The following PCSK5 variants were observed in gnomAD, a reference collection of about 807,000 sequenced individuals.
PCSK5 encodes prohormone convertase 5.
A neutral mutation model predicts 233.2 loss-of-function variants in PCSK5; 129 were observed. That is an observed-to-expected ratio of 0.55 (90% CI 0.48 to 0.64). PCSK5 has a LOEUF of 0.64. Ranked by LOEUF, PCSK5 falls within the 30% of genes least tolerant of loss-of-function variation. The probability of loss-of-function intolerance (pLI) is 0.00; values close to 1 mark genes in which losing one functional copy is unlikely to be tolerated. For missense variants in PCSK5, 2,076 were observed against 2,430.1 expected (o/e 0.85, Z 3.06); for synonymous variants, 825 against 879.2 (o/e 0.94, Z 1.09).
Position 76,351,517 on chromosome 9 carries a change from A to AAGG in PCSK5, c.5067+590_5067+591insGGA, listed in dbSNP as rs1564196885. 2.6e-4 allele frequency among the ~76,000 whole-genome samples: 32 copies of AAGG among 122,206 alleles called. 1 individual carries two copies. Among genetic ancestry groups the AAGG allele is most frequent in the East Asian group, 7.7e-4 (3 of 3,900 alleles). 80.2% of individuals were successfully genotyped at this position (122,206 alleles called of 152,430 possible). A position where few individuals can be genotyped will look rare whatever the true frequency, so the allele number is the denominator to read the frequency against. On this transcript the variant is annotated intron_variant, in intron 36 of 37. Coordinates refer to ENST00000674117, the MANE Select transcript of PCSK5 (RefSeq NM_001372043.1). ...GAAAGAAAGAAAGAAAGAAAGAAAG[A>AAGG]AAGAAAGAAAGAAAGGAAGGAAAGA...
intron 9 of PCSK5, among the ~76,000 whole-genome samples, chr9:76,118,810 A>G (rs1832527823): frequency 6.6e-6 from 1 of 152,058 alleles, no homozygotes; most frequent in Non-Finnish European, 1.5e-5. Flanking sequence ...AACTTTAAGC[A>G]TGTTTTAAGC....
At chr9:76,050,071 T>C (rs1350706364) in intron 5 of PCSK5, among the ~76,000 whole-genome samples, 2 of 152,242 alleles carry the variant, frequency 1.3e-5, no homozygotes, top group Non-Finnish European at 2.9e-5. Flanking sequence ...GTTGAATCCT[T>C]AGTGAATAAT....
intron 24 of PCSK5, among the ~76,000 whole-genome samples, chr9:76,269,804 T>C (rs1474808061): frequency 6.6e-6 from 1 of 152,182 alleles, no homozygotes; most frequent in East Asian, 1.9e-4. Context: ...TGAAGAAAAC[T>C]ATTTCCAAAA....
chr9:75,919,650 T>C (rs1823158136), intron 1 of PCSK5, among the ~76,000 whole-genome samples: 1 of 152,242 alleles, frequency 6.6e-6, no homozygotes, highest in Non-Finnish European at 1.5e-5. Flanking sequence ...TTTTCTGTGA[T>C]GTCTTTAATT....
At chr9:75,911,207 T>TTTG (rs1388412152) in intron 1 of PCSK5, among the ~76,000 whole-genome samples, 19 of 117,140 alleles carry the variant, frequency 1.6e-4, no homozygotes, top group Admixed American at 8.2e-4. Context: ...ATAGGTTTTT[T>TTTG]TTTTTTTTTT....
intron 7 of PCSK5, among the ~76,000 whole-genome samples, chr9:76,082,951 G>A (rs1830905732): frequency 6.6e-6 from 1 of 152,036 alleles, no homozygotes; most frequent in African/African-American, 2.4e-5. Context: ...GCTCATGCGT[G>A]TTATAACAGC....
At chr9:76,336,866 C>G (rs1296081084) in intron 34 of PCSK5, among the ~76,000 whole-genome samples, 1 of 152,042 alleles carries the variant, frequency 6.6e-6, no homozygotes, top group Non-Finnish European at 1.5e-5. Flanking sequence ...AGTGGTATGA[C>G]TGGGATTTAA....
intron 1 of PCSK5, among the ~76,000 whole-genome samples, chr9:75,898,719 TAG>T (rs981380858): frequency 3.3e-5 from 5 of 151,742 alleles, no homozygotes; most frequent in Admixed American, 6.6e-5. Context: ...ATGCCTAGGC[TAG>T]AGAGTTTCAA....
At chr9:76,173,495 C>CTTTTTTTTTTTTTTTTTTTTTTTTTT (rs1587715951) in intron 13 of PCSK5, among the ~76,000 whole-genome samples, 5 of 34,582 alleles carry the variant, frequency 1.4e-4, no homozygotes, top group East Asian at 8.8e-4. Context: ...AGGCACGTTT[C>CTTTTTTTTTTTTTTTTTTTTTTTTTT]CTTTTTTTTT....
At chr9:76,280,382 T>G (rs1362349314) in intron 24 of PCSK5, among the ~76,000 whole-genome samples, 1 of 151,484 alleles carries the variant, frequency 6.6e-6, no homozygotes. Flanking sequence ...AAAGGAAGAG[T>G]TGCAAGTCTC....
intron 2 of PCSK5, among the ~76,000 whole-genome samples, chr9:75,964,047 C>T (rs1014455452): frequency 1.3e-5 from 2 of 152,210 alleles, no homozygotes; most frequent in African/African-American, 2.4e-5. Flanking sequence ...ATGGAAACAA[C>T]ATCCAACTGC....
intron 20 of PCSK5, among the ~76,000 whole-genome samples, chr9:76,209,187 A>T (rs1402538960): frequency 6.6e-6 from 1 of 152,226 alleles, no homozygotes; most frequent in Non-Finnish European, 1.5e-5. Flanking sequence ...GTTGGTAATT[A>T]ACCTTGTCAA....
chr9:75,897,699 A>G (rs1003397237), intron 1 of PCSK5, among the ~76,000 whole-genome samples: 8 of 151,776 alleles, frequency 5.3e-5, no homozygotes, highest in Non-Finnish European at 1.2e-4. Context: ...TCACCATGTT[A>G]CCAGGCTTGT....
intron 27 of PCSK5, among the ~76,000 whole-genome samples, chr9:76,299,836 A>G (rs1256375427): frequency 6.6e-6 from 1 of 152,174 alleles, no homozygotes; most frequent in Non-Finnish European, 1.5e-5. Flanking sequence ...TCCTGAAGCC[A>G]CTTTTGGGAA....
chr9:76,325,488 G>A (rs1047886600), intron 32 of PCSK5, among the ~76,000 whole-genome samples: 6 of 152,128 alleles, frequency 3.9e-5, no homozygotes, highest in African/African-American at 1.4e-4. Flanking sequence ...GCTTAGTGTG[G>A]GTTGAGAGCC....
intron 5 of PCSK5, among the ~76,000 whole-genome samples, chr9:76,065,999 G>A (rs781251624): frequency 3.3e-5 from 5 of 152,054 alleles, no homozygotes; most frequent in African/African-American, 4.8e-5. Flanking sequence ...ATTCTGTTCT[G>A]TTGGTCAGTG....
At chr9:76,013,444 A>G (rs1827817265) in intron 3 of PCSK5, among the ~76,000 whole-genome samples, 1 of 152,132 alleles carries the variant, frequency 6.6e-6, no homozygotes, top group African/African-American at 2.4e-5. Flanking sequence ...TGGGAGTTTC[A>G]GGGGTTGACT....
At chr9:76,210,165 C>G (rs1030197293) in intron 20 of PCSK5, among the ~76,000 whole-genome samples, 1 of 152,008 alleles carries the variant, frequency 6.6e-6, no homozygotes, top group Non-Finnish European at 1.5e-5. Flanking sequence ...AGTGGTGAAG[C>G]AGGAGAGTCA....
At chr9:75,970,872 C>A (rs1268548840) in intron 2 of PCSK5, among the ~76,000 whole-genome samples, 1 of 152,140 alleles carries the variant, frequency 6.6e-6, no homozygotes, top group African/African-American at 2.4e-5. Context: ...AGTCTGCCCA[C>A]CTCGGCCTCC....
Sources: allele counts gnomAD v4.1 joint callset (sites outside exome capture counted in the v4.1 genomes callset), GRCh38; gene constraint gnomAD v4.1.1; transcripts MANE v1.5; gene names NCBI Gene and HGNC (gene_info 2026-07-23, HGNC 2026-07-21).